ROBO2: variants seen among roughly 807,000 people sequenced by gnomAD.
ROBO2 encodes roundabout guidance receptor 2.
ROBO2 carries 53 observed loss-of-function variants against 160.8 expected under a neutral mutation model. The observed-to-expected ratio is 0.33, with a 90% CI of 0.26 to 0.41. The LOEUF is 0.41. Ranked by LOEUF, ROBO2 falls within the 10% of genes least tolerant of loss-of-function variation. ROBO2 has a pLI of 1.00. For synonymous variants in ROBO2, 664 were observed against 611.7 expected, an observed-to-expected ratio of 1.09 and a Z score of -1.26; for missense variants, 1,577 against 1,722.4, an observed-to-expected ratio of 0.92 and a Z score of 1.49.
intron 1 of ROBO2, among the ~76,000 whole-genome samples, chr3:77,062,492 A>C (rs2066421784): frequency 6.6e-6 from 1 of 152,208 alleles, no homozygotes; most frequent in African/African-American, 2.4e-5. Context: ...GATGACCTCC[A>C]AATGTATAGG....
chr3:76,629,226 C>A (rs1020991329), intron 2 of ROBO2, among the ~76,000 whole-genome samples: 1 of 152,216 alleles, frequency 6.6e-6, no homozygotes, highest in Non-Finnish European at 1.5e-5. Context: ...AAAATCCACA[C>A]TGTTCTTCTT....
chr3:76,092,134 G>A (rs972812698), intron 2 of ROBO2, among the ~76,000 whole-genome samples: 12 of 152,266 alleles, frequency 7.9e-5, no homozygotes, highest in African/African-American at 2.9e-4. Context: ...TGTGGGATAT[G>A]TGGGATGTTG....
intron 2 of ROBO2, among the ~76,000 whole-genome samples, chr3:76,012,634 C>G (rs996321075): frequency 6.6e-6 from 1 of 151,430 alleles, no homozygotes; most frequent in Non-Finnish European, 1.5e-5. Context: ...TTTTTTTTCC[C>G]GTTAGCCAAA....
chr3:77,135,648 A>G (rs2076220292), intron 2 of ROBO2, among the ~76,000 whole-genome samples: 1 of 151,954 alleles, frequency 6.6e-6, no homozygotes, highest in East Asian at 1.9e-4. Context: ...GAATCCGGCA[A>G]TCTTCTTGCG....
intron 2 of ROBO2, among the ~76,000 whole-genome samples, chr3:76,949,557 C>A (rs557268349): frequency 1.3e-5 from 2 of 152,288 alleles, no homozygotes; most frequent in South Asian, 2.1e-4. Context: ...AAGGGCTTCT[C>A]CCCTGTTTCC....
At chr3:76,408,298 A>T (rs569294048) in intron 2 of ROBO2, among the ~76,000 whole-genome samples, 10 of 152,068 alleles carry the variant, frequency 6.6e-5, no homozygotes, top group Non-Finnish European at 1.5e-4. Context: ...GTGCAGAGGC[A>T]GTTATGGTTT....
At chr3:76,770,081 G>A (rs2108488713) in intron 2 of ROBO2, among the ~76,000 whole-genome samples, 1 of 151,518 alleles carries the variant, frequency 6.6e-6, no homozygotes, top group South Asian at 2.1e-4. Flanking sequence ...AAGTATAGCA[G>A]GGTCTTTTTA....
intron 2 of ROBO2, among the ~76,000 whole-genome samples, chr3:77,176,653 G>A (rs1354743485): frequency 6.6e-6 from 1 of 151,840 alleles, no homozygotes; most frequent in African/African-American, 2.4e-5. Context: ...TCTCACTAGA[G>A]CCACACATGC....
intron 2 of ROBO2, among the ~76,000 whole-genome samples, chr3:76,271,069 A>T (rs1458880733): frequency 2.0e-5 from 3 of 152,074 alleles, no homozygotes; most frequent in African/African-American, 7.2e-5. Flanking sequence ...CACTGCTACT[A>T]GTAGGTGGTC....
intron 2 of ROBO2, among the ~76,000 whole-genome samples, chr3:76,657,808 A>G (rs947544223): frequency 1.4e-5 from 2 of 147,832 alleles, no homozygotes; most frequent in Non-Finnish European, 3.0e-5. Flanking sequence ...ATATGTGTGT[A>G]TATATATAGT....
At chr3:77,160,134 G>A (rs1013477721) in intron 2 of ROBO2, among the ~76,000 whole-genome samples, 16 of 151,966 alleles carry the variant, frequency 1.1e-4, no homozygotes, top group Non-Finnish European at 2.1e-4. Flanking sequence ...TTTCTCTGGC[G>A]ATTATTAGCC....
intron 2 of ROBO2, among the ~76,000 whole-genome samples, chr3:77,024,616 C>T (rs2062843861): frequency 6.6e-6 from 1 of 152,016 alleles, no homozygotes; most frequent in Non-Finnish European, 1.5e-5. Context: ...CCTGGGAGAC[C>T]CGACTCCACA....
intron 2 of ROBO2, among the ~76,000 whole-genome samples, chr3:76,446,660 C>G (rs1205504150): frequency 6.6e-6 from 1 of 152,160 alleles, no homozygotes. Context: ...GCTGCAGTAA[C>G]CAAAGCAGCA....
chr3:76,570,754 CA>C (rs1436249974), intron 2 of ROBO2, among the ~76,000 whole-genome samples: 3 of 152,094 alleles, frequency 2.0e-5, no homozygotes, highest in Non-Finnish European at 4.4e-5. Context: ...CAAGAATCGT[CA>C]AAAATGTGAA....
At chr3:77,213,853 G>T (rs528431218) in intron 2 of ROBO2, among the ~76,000 whole-genome samples, 1 of 152,194 alleles carries the variant, frequency 6.6e-6, no homozygotes, top group African/African-American at 2.4e-5. Context: ...AGTCATTCAG[G>T]AGCAGGTTGT....
chr3:76,925,334 G>A (rs1214934577), intron 2 of ROBO2, among the ~76,000 whole-genome samples: 1 of 152,044 alleles, frequency 6.6e-6, no homozygotes, highest in African/African-American at 2.4e-5. Flanking sequence ...TTGCCTTTGG[G>A]ATACTTCATA....
At chr3:77,500,821 C>T (rs17015310) in intron 5 of ROBO2, among the ~76,000 whole-genome samples, 4,916 of 152,268 alleles carry the variant, frequency 0.032, 260 homozygotes, top group African/African-American at 0.11. Context: ...CCTGTGACCA[C>T]ATTGGCCCAT....
Position 76,921,458 on chromosome 3 carries a change from A to C in ROBO2, c.110-176556A>C, listed in dbSNP as rs932030384. On this transcript the variant is annotated intron_variant, in intron 2 of 26. Transcript: ENST00000487694. ...GAAATCCCATCTCCACTAAAAGTAC[A>C]AAAATTAGCTGGGCGTGGTGACGCA... Among the ~76,000 whole-genome samples, 98 of 152,122 alleles carry C rather than the reference A, an allele frequency of 6.4e-4. 1 individual carries two copies. Among genetic ancestry groups the C allele is most frequent in the Non-Finnish European group, 2.4e-4 (16 of 68,024 alleles).
At chr3:76,732,699 G>A (rs1268145019) in intron 2 of ROBO2, among the ~76,000 whole-genome samples, 1 of 152,172 alleles carries the variant, frequency 6.6e-6, no homozygotes, top group South Asian at 2.1e-4. Context: ...TGATGAAGCG[G>A]TCTGAGTGTG....
Sources: allele counts gnomAD v4.1 joint callset (sites outside exome capture counted in the v4.1 genomes callset), GRCh38; gene constraint gnomAD v4.1.1; transcripts MANE v1.5; gene names NCBI Gene and HGNC (gene_info 2026-07-23, HGNC 2026-07-21).